TDRD7: variants seen among roughly 807,000 people sequenced by gnomAD.
The protein encoded by TDRD7 is tudor domain containing 7, also known as tudor domain-containing protein 7.
A neutral mutation model predicts 109.8 loss-of-function variants in TDRD7; 47 were observed. The observed-to-expected ratio is 0.43, with a 90% CI of 0.34 to 0.55. The LOEUF is 0.55. TDRD7 is among the 20% of genes least tolerant of loss of function. The probability of loss-of-function intolerance (pLI) is 0.03; values close to 1 mark genes in which losing one functional copy is unlikely to be tolerated. For missense variants in TDRD7, 1,164 were observed against 1,319.2 expected (o/e 0.88, Z 1.82); for synonymous variants, 424 against 457.3 (o/e 0.93, Z 0.93).
intron 6 of TDRD7, among the ~76,000 whole-genome samples, chr9:97,447,650 C>T (rs1232715817): frequency 1.3e-5 from 2 of 152,156 alleles, no homozygotes; most frequent in Admixed American, 6.5e-5. Flanking sequence ...GAGTTCCTGA[C>T]GTTTTAACAA....
intron 15 of TDRD7, among the ~76,000 whole-genome samples, chr9:97,485,141 T>TATG (rs1412928168): frequency 2.0e-5 from 3 of 152,256 alleles, no homozygotes; most frequent in African/African-American, 7.2e-5. Flanking sequence ...TGTTCCCAAC[T>TATG]ATGGTAAGTT....
intron 8 of TDRD7, among the ~76,000 whole-genome samples, chr9:97,466,298 A>C (rs1828821098): frequency 6.6e-6 from 1 of 152,166 alleles, no homozygotes; most frequent in African/African-American, 2.4e-5. Flanking sequence ...CTCCAGAAGT[A>C]AGCTCACCCA....
At chr9:97,441,133 ATTTG>A (rs1385524202) in intron 5 of TDRD7, among the ~76,000 whole-genome samples, 1 of 152,168 alleles carries the variant, frequency 6.6e-6, no homozygotes, top group Non-Finnish European at 1.5e-5. Flanking sequence ...TTGCTAAATT[ATTTG>A]TTTTCCATTA....
In TDRD7 at chr9:97,479,609, G is replaced by A. The variant is rs568564506; in HGVS notation, c.2301+1036G>A. ...TTATTTGACAAATGGGAAGACTGTT[G>A]GTTGGGAGTACTTTAAAAGCCAGCC... is the stretch of plus-strand genomic sequence containing the variant. On this transcript the variant is annotated intron_variant, in intron 13 of 16. Transcript: ENST00000355295. Among the ~76,000 whole-genome samples, 15 of 152,084 alleles carry A rather than the reference G, an allele frequency of 9.9e-5. 1 individual carries two copies. Among genetic ancestry groups the A allele is most frequent in the African/African-American group, 3.6e-4 (15 of 41,474 alleles).
chr9:97,432,777 A>G (rs1828127405), intron 4 of TDRD7, among the ~76,000 whole-genome samples: 1 of 152,214 alleles, frequency 6.6e-6, no homozygotes, highest in South Asian at 2.1e-4. Context: ...AAAATGTTAA[A>G]CGAGATGATC....
chr9:97,489,833 T>C (rs1334096007), intron 16 of TDRD7, among the ~76,000 whole-genome samples: 1 of 152,202 alleles, frequency 6.6e-6, no homozygotes, highest in Non-Finnish European at 1.5e-5. Context: ...TTTTTTCCTT[T>C]TCTTAGTGGG....
chr9:97,455,487 G>A (rs948732207), intron 6 of TDRD7, among the ~76,000 whole-genome samples: 4 of 152,024 alleles, frequency 2.6e-5, no homozygotes, highest in Admixed American at 6.5e-5. Flanking sequence ...TGATCAAGTC[G>A]GCTTCATCCC....
intron 16 of TDRD7, among the ~76,000 whole-genome samples, chr9:97,490,089 A>G (rs1220658207): frequency 1.3e-5 from 2 of 152,220 alleles, no homozygotes; most frequent in Non-Finnish European, 2.9e-5. Flanking sequence ...TATTTTGAAC[A>G]AACCCTATCT....
chr9:97,416,629 A>G (rs1017253290), intron 1 of TDRD7, among the ~76,000 whole-genome samples: 10 of 152,204 alleles, frequency 6.6e-5, no homozygotes, highest in Admixed American at 2.6e-4. Context: ...ATGATTCTCA[A>G]CCACAGTTTG....
At position 97,478,760 on chromosome 9, in the gene TDRD7, T is replaced by G. The variant is rs1169711276; in HGVS notation, c.2301+187T>G. 4 of 720,304 alleles carry G rather than the reference T, an allele frequency of 5.6e-6. No homozygotes were observed. In the East Asian group the frequency reaches 1.1e-4, roughly 21 times the overall value. The allele number at this position is 720,304 out of a possible 1,614,324, so 44.6% of individuals were successfully genotyped here. On this transcript the variant is annotated intron_variant, in intron 13 of 16. Transcript: ENST00000355295. Reference sequence around the variant, plus strand: ...ACTTAGACAAGAAGACCAGTCATATTTACATACTGTTGTTTGAGAAATGTT... The same window carrying G: ...ACTTAGACAAGAAGACCAGTCATATGTACATACTGTTGTTTGAGAAATGTT...
intron 16 of TDRD7, among the ~76,000 whole-genome samples, chr9:97,495,426 G>A (rs1053601051): frequency 9.9e-5 from 15 of 152,132 alleles, no homozygotes; most frequent in Non-Finnish European, 7.4e-5. Context: ...ACAATGTTAA[G>A]TCTCAAATGA....
At chr9:97,444,671 C>T (rs1039356097) in intron 6 of TDRD7, among the ~76,000 whole-genome samples, 1 of 152,112 alleles carries the variant, frequency 6.6e-6, no homozygotes, top group Non-Finnish European at 1.5e-5. Flanking sequence ...TGTCATGTAA[C>T]TGAAGGAGAA....
chr9:97,480,909 G>A lies in TDRD7; in HGVS notation c.2383G>A (p.Val795Ile). The A allele has an allele frequency of 6.2e-7, 1 of 1,614,100 alleles. No homozygotes were observed. Among genetic ancestry groups the A allele is most frequent in the Non-Finnish European group, 8.5e-7 (1 of 1,179,956 alleles). ...PDAVLWLRDS[V>I]LNCSDCSIKV... is the part of the protein sequence containing the mutation. The stretch of plus-strand genomic sequence containing the variant: ...TGCAGTGCTGTGGTTAAGAGATTCT[G>A]TTTTGAATTGCTCGGACTGTAGCAT... Residue 795 changes from valine to isoleucine, a missense_variant, in exon 14 of 17, where the codon GTT (valine) becomes ATT (isoleucine). By Grantham distance (29) the Val-to-Ile change is conservative. Coordinates refer to ENST00000355295, the MANE Select transcript of TDRD7 (RefSeq NM_014290.3).
rs891854030 is a variant in TDRD7, at chr9:97,419,488, C to T, written c.-7+7250C>T. Among the ~76,000 whole-genome samples the T allele has an allele frequency of 3.9e-5, 6 of 152,272 alleles. No homozygotes were observed. In the South Asian group the frequency reaches 1.2e-3, roughly 32 times the overall value. On this transcript the variant is annotated intron_variant, in intron 1 of 16. Coordinates refer to ENST00000355295, the MANE Select transcript of TDRD7 (RefSeq NM_014290.3). Reference sequence around the variant, plus strand: ...GTGTCATCAGTTTACTATTCAGGACCCAAAATTCATACTTCAGCATTGACA... The same window carrying T: ...GTGTCATCAGTTTACTATTCAGGACTCAAAATTCATACTTCAGCATTGACA...
intron 4 of TDRD7, among the ~76,000 whole-genome samples, chr9:97,437,446 A>G (rs1029562799): frequency 2.6e-5 from 4 of 152,320 alleles, no homozygotes; most frequent in African/African-American, 4.8e-5. Flanking sequence ...CAAAGCAACA[A>G]AGGAGAGATT....
At chr9:97,481,903 T>C (rs1829122722) in intron 14 of TDRD7, among the ~76,000 whole-genome samples, 1 of 152,188 alleles carries the variant, frequency 6.6e-6, no homozygotes, top group African/African-American at 2.4e-5. Flanking sequence ...AAAAAGAAAT[T>C]TTAAGTAAAT....
chr9:97,432,681 G>A (rs1182196377), intron 4 of TDRD7, among the ~76,000 whole-genome samples: 1 of 152,142 alleles, frequency 6.6e-6, no homozygotes, highest in African/African-American at 2.4e-5. Context: ...CAACCTATAA[G>A]TCTTTGTTTG....
intron 5 of TDRD7, 48 bp downstream of exon 5, chr9:97,439,366 A>G: frequency 3.4e-6 from 5 of 1,484,266 alleles, no homozygotes; most frequent in Non-Finnish European, 4.6e-6. Context: ...TCCGGAGTCA[A>G]GAAACATATC....
chr9:97,452,859 T>G lies in TDRD7; in HGVS notation c.856-7319T>G, dbSNP rs1038143200. ...ACTTCAGTTAAGACAGCAGTTCCTATTTGGAAGAACTTGTGCTGGTCATGT... is the reference window on the plus strand; with the variant it reads ...ACTTCAGTTAAGACAGCAGTTCCTAGTTGGAAGAACTTGTGCTGGTCATGT... On this transcript the variant is annotated intron_variant, in intron 6 of 16. Coordinates refer to ENST00000355295, the MANE Select transcript of TDRD7 (RefSeq NM_014290.3). Among the ~76,000 whole-genome samples, 8 of 152,282 alleles carry G rather than the reference T, an allele frequency of 5.3e-5. No homozygotes were observed. In the South Asian group the frequency reaches 6.2e-4, roughly 12 times the overall value.
Sources: gnomAD v4.1 joint callset for allele counts (sites outside exome capture counted in the v4.1 genomes callset) on GRCh38, gnomAD v4.1.1 for gene constraint, MANE v1.5 for transcripts, NCBI Gene and HGNC (gene_info 2026-07-23, HGNC 2026-07-21) for gene names.